Variants in PLXDC2 observed in about 807,000 individuals in gnomAD.
PLXDC2 encodes plexin domain-containing protein 2.
A neutral mutation model predicts 68.9 loss-of-function variants in PLXDC2; 40 were observed. That is an observed-to-expected ratio of 0.58 (90% confidence interval 0.45 to 0.76). PLXDC2 has a LOEUF of 0.76. Ranked by LOEUF, PLXDC2 falls within the 30% of genes least tolerant of loss-of-function variation. PLXDC2 has a pLI of 0.00. For synonymous variants in PLXDC2, 243 were observed against 234.2 expected, an observed-to-expected ratio of 1.04 and a Z score of -0.34; for missense variants, 644 against 661.9, an observed-to-expected ratio of 0.97 and a Z score of 0.30.
intron 1 of PLXDC2, among the ~76,000 whole-genome samples, chr10:19,962,197 T>C (rs1057393806): frequency 2.6e-5 from 4 of 152,084 alleles, no homozygotes; most frequent in African/African-American, 9.7e-5. Context: ...CTTACTGAGT[T>C]TAGAGCACTT....
chr10:19,891,507 T>C (rs1034080392), intron 1 of PLXDC2, among the ~76,000 whole-genome samples: 7 of 152,202 alleles, frequency 4.6e-5, no homozygotes, highest in African/African-American at 1.7e-4. Flanking sequence ...ATGGGAAATA[T>C]TATTTTCTGA....
At chr10:20,123,565 G>A (rs534145095) in intron 4 of PLXDC2, among the ~76,000 whole-genome samples, 2 of 152,242 alleles carry the variant, frequency 1.3e-5, no homozygotes, top group African/African-American at 4.8e-5. Context: ...GGTCAGGTGA[G>A]AGTTGAAGAG....
chr10:20,008,047 T>G (rs752851478), intron 2 of PLXDC2, among the ~76,000 whole-genome samples: 10 of 152,218 alleles, frequency 6.6e-5, no homozygotes, highest in Non-Finnish European at 1.2e-4. Context: ...AATGCATTCC[T>G]AAAAACTCTC....
intron 7 of PLXDC2, among the ~76,000 whole-genome samples, chr10:20,167,099 A>G (rs1162817827): frequency 6.6e-6 from 1 of 151,404 alleles, no homozygotes; most frequent in Non-Finnish European, 1.5e-5. Context: ...TTAGCCAAGA[A>G]GGAATGAAAG....
At chr10:19,828,659 A>T (rs1221842367) in intron 1 of PLXDC2, among the ~76,000 whole-genome samples, 1 of 152,234 alleles carries the variant, frequency 6.6e-6, no homozygotes, top group East Asian at 1.9e-4. Context: ...CATTGTCTGG[A>T]CATTGCAAAA....
chr10:20,156,412 T>A (rs779518898), intron 6 of PLXDC2, among the ~76,000 whole-genome samples: 38 of 152,236 alleles, frequency 2.5e-4, no homozygotes, highest in Non-Finnish European at 3.2e-4. Flanking sequence ...AAAATATAGA[T>A]GTGCGTTTTT....
At chr10:20,010,742 A>G (rs1057186527) in intron 2 of PLXDC2, among the ~76,000 whole-genome samples, 5 of 152,216 alleles carry the variant, frequency 3.3e-5, no homozygotes, top group Non-Finnish European at 7.3e-5. Context: ...ATATTCTTGC[A>G]TTCTCCATGT....
At chr10:20,102,092 TG>T in intron 4 of PLXDC2, among the ~76,000 whole-genome samples, 1 of 152,282 alleles carries the variant, frequency 6.6e-6, no homozygotes, top group Non-Finnish European at 1.5e-5. Flanking sequence ...TGAGCCACTG[TG>T]CCCAGTCAGT....
chr10:19,952,529 A>G (rs1834006464), intron 1 of PLXDC2, among the ~76,000 whole-genome samples: 1 of 152,208 alleles, frequency 6.6e-6, no homozygotes, highest in South Asian at 2.1e-4. Context: ...GCTGTATAAA[A>G]CTAATGGGAG....
chr10:20,013,356 G>A (rs2131646332), intron 2 of PLXDC2, among the ~76,000 whole-genome samples: 1 of 152,056 alleles, frequency 6.6e-6, no homozygotes, highest in East Asian at 1.9e-4. Flanking sequence ...TCTTATTAAG[G>A]AACTCTTTTA....
In PLXDC2 at chr10:20,277,208, C is replaced by CAA. The variant is rs60978653; in HGVS notation, c.1474-2470_1474-2469dup. On this transcript the variant is annotated intron_variant, in intron 13 of 13. Coordinates refer to ENST00000377252, the MANE Select transcript of PLXDC2 (RefSeq NM_032812.9). ...TGGGTGACAGAGCGAGATTCCATCT[C>CAA]AAAAAAAAAAAAAAAAAAAAAAAAA... Among the ~76,000 whole-genome samples the CAA allele has an allele frequency of 1.0e-3, 70 of 67,950 alleles. 4 individuals carry two copies. The highest frequency in any genetic ancestry group is 3.7e-3 in the African/African-American group (64 of 17,224). The allele number at this position is 67,950 out of a possible 152,430, so 44.6% of individuals were successfully genotyped here.
chr10:20,280,215 G>A lies in PLXDC2; in HGVS notation c.*396G>A, dbSNP rs1836064206. The A allele has an allele frequency of 6.2e-6, 1 of 160,294 alleles. No individual in the cohort carries two copies. The highest frequency in any genetic ancestry group is 1.4e-5 in the Non-Finnish European group (1 of 73,536). The allele number at this position is 160,294 out of a possible 1,614,324, so 9.9% of individuals were successfully genotyped here. ...GACACCTTTGGTTCAAATGTTCTCT[G>A]ATGTCTCAAAGATAACTGTTTTCCA... On this transcript the variant is annotated 3_prime_UTR_variant, in exon 14 of 14. Coordinates refer to ENST00000377252, the MANE Select transcript of PLXDC2 (RefSeq NM_032812.9).
chr10:20,226,375 G>A (rs1835287487), intron 12 of PLXDC2, among the ~76,000 whole-genome samples: 1 of 152,200 alleles, frequency 6.6e-6, no homozygotes, highest in Admixed American at 6.5e-5. Context: ...TTTTTCCAGT[G>A]TGGCCCAGGG....
intron 12 of PLXDC2, among the ~76,000 whole-genome samples, chr10:20,220,642 G>A (rs1379313121): frequency 1.3e-5 from 2 of 152,000 alleles, no homozygotes; most frequent in Non-Finnish European, 2.9e-5. Context: ...TTTCCCTGCT[G>A]GAAAACTGAT....
At chr10:20,146,412 C>T (rs572937975) in intron 5 of PLXDC2, among the ~76,000 whole-genome samples, 40 of 148,828 alleles carry the variant, frequency 2.7e-4, no homozygotes, top group African/African-American at 9.7e-4. Context: ...TCCTTGCTTC[C>T]TTTTCTTTCT....
intron 1 of PLXDC2, among the ~76,000 whole-genome samples, chr10:19,880,283 G>C (rs903234155): frequency 6.6e-6 from 1 of 152,140 alleles, no homozygotes; most frequent in Admixed American, 6.5e-5. Context: ...AATCCATGGG[G>C]CATATGTACC....
intron 1 of PLXDC2, among the ~76,000 whole-genome samples, chr10:19,884,283 A>T (rs1837797943): frequency 6.6e-6 from 1 of 152,174 alleles, no homozygotes; most frequent in Non-Finnish European, 1.5e-5. Context: ...GTCAGAAATT[A>T]AAGATGAGAG....
At chr10:19,964,803 C>T (rs7923799) in intron 1 of PLXDC2, among the ~76,000 whole-genome samples, 120,235 of 151,926 alleles carry the variant, frequency 0.79, 48,402 homozygotes, top group East Asian at 0.95. Flanking sequence ...CAGGCTCTTT[C>T]CCTGCATTCT....
intron 2 of PLXDC2, among the ~76,000 whole-genome samples, chr10:20,021,245 ATTTTAT>A (rs988837622): frequency 2.6e-5 from 4 of 151,838 alleles, no homozygotes; most frequent in African/African-American, 7.2e-5. Context: ...AGTTACTTCC[ATTTTAT>A]TTTTATTTTT....
Sources: gnomAD v4.1 joint callset for allele counts (sites outside exome capture counted in the v4.1 genomes callset) on GRCh38, gnomAD v4.1.1 for gene constraint, MANE v1.5 for transcripts, NCBI Gene and HGNC (gene_info 2026-07-23, HGNC 2026-07-21) for gene names.